Variants in SUN5 observed in about 807,000 individuals in gnomAD.
The protein encoded by SUN5 is SUN domain-containing protein 5.
SUN5 carries 44 observed loss-of-function variants against 53.7 expected under a neutral mutation model. The ratio of observed to expected loss-of-function variants is 0.82; its 90% CI spans 0.64 to 1.05. The LOEUF is 1.05. Among genes scored for constraint, SUN5 ranks in the 50% least tolerant of loss-of-function variants. The pLI is 0.00. For synonymous variants in SUN5, 166 were observed against 179.8 expected, an observed-to-expected ratio of 0.92 and a Z score of 0.62; for missense variants, 433 against 483.8, an observed-to-expected ratio of 0.90 and a Z score of 0.98.
chr20:32,990,862 G>A lies in SUN5; in HGVS notation c.535-1164C>T, dbSNP rs554039583. Among the ~76,000 whole-genome samples the A allele has an allele frequency of 8.5e-5, 13 of 152,324 alleles. No individual in the cohort carries two copies. The South Asian group carries it at 2.7e-3, about 32-fold the overall frequency. On this transcript the variant is annotated intron_variant, in intron 8 of 12. Transcript: ENST00000356173. Reference sequence around the variant, plus strand: ...AATTCCTAACCCACAGAATCTCTGAGCACAAGTGGTTGTTTCACACCCCTA... The same window carrying A: ...AATTCCTAACCCACAGAATCTCTGAACACAAGTGGTTGTTTCACACCCCTA...
chr20:32,997,592 G>A (rs375752749), intron 6 of SUN5, 46 bp downstream of exon 6: 2 of 1,606,220 alleles, frequency 1.2e-6, no homozygotes, highest in African/African-American at 2.7e-5. Flanking sequence ...TGACTGGTTA[G>A]GGTGAGACCT....
chr20:33,003,306 G>A (rs1990103841), intron 1 of SUN5, among the ~76,000 whole-genome samples: 1 of 152,158 alleles, frequency 6.6e-6, no homozygotes, highest in South Asian at 2.1e-4. Flanking sequence ...GGTAGGGTGA[G>A]GTAGGGGGGT....
chr20:33,001,266 C>T lies in SUN5; in HGVS notation c.224G>A (p.Cys75Tyr), dbSNP rs1224856994. The T allele has an allele frequency of 7.6e-6, 12 of 1,574,978 alleles. No homozygotes were observed. Among genetic ancestry groups the T allele is most frequent in the Non-Finnish European group, 1.0e-5 (12 of 1,157,762 alleles). Residue 75 changes from cysteine to tyrosine, a missense_variant, in exon 4 of 13, where the codon TGT becomes TAT. Physicochemically the swap from Cys to Tyr is radical, Grantham distance 194 (BLOSUM62 -2). Transcript: ENST00000356173. ...CTGAGTTCTCAGGGAGCAGGCAAAA[C>T]AGGTGAACCAGGCTGCACGGGAGAC... ...CMLGCVSWFTCFACSLRTQAQ... is the reference protein window; with the variant it reads ...CMLGCVSWFTYFACSLRTQAQ...
intron 4 of SUN5, among the ~76,000 whole-genome samples, chr20:33,000,461 A>C (rs1989971817): frequency 1.3e-5 from 2 of 152,198 alleles, no homozygotes; most frequent in South Asian, 4.1e-4. Flanking sequence ...TGAATGAATG[A>C]ATGAGGTGGA....
intron 12 of SUN5, among the ~76,000 whole-genome samples, chr20:32,984,609 G>T (rs1989483392): frequency 6.6e-6 from 1 of 152,196 alleles, no homozygotes; most frequent in Non-Finnish European, 1.5e-5. Context: ...GGGCCAGTAT[G>T]GGTTTGATTC....
chr20:33,000,030 C>G (rs775224522), intron 5 of SUN5, 44 bp downstream of exon 5: 2 of 1,591,962 alleles, frequency 1.3e-6, no homozygotes, highest in Non-Finnish European at 1.7e-6. Context: ...TGCCAGGGCC[C>G]AGGGATACCT....
chr20:32,994,451 C>G (rs147538502), intron 8 of SUN5, among the ~76,000 whole-genome samples: 10 of 152,042 alleles, frequency 6.6e-5, no homozygotes, highest in Non-Finnish European at 1.2e-4. Flanking sequence ...AGTTAGCAGA[C>G]AAGGATTTTT....
At position 32,998,175 on chromosome 20, in the gene SUN5, C is replaced by CAA. The variant is rs35729664; in HGVS notation, c.341-490_341-489dup. Among the ~76,000 whole-genome samples the CAA allele has an allele frequency of 7.5e-3, 446 of 59,616 alleles. 16 individuals are homozygous for CAA. Among genetic ancestry groups the CAA allele is most frequent in the African/African-American group, 0.019 (323 of 17,156 alleles). 39.1% of individuals were successfully genotyped at this position (59,616 alleles called of 152,430 possible). A position where few individuals can be genotyped will look rare whatever the true frequency, so the allele number is the denominator to read the frequency against. ...CCAATGTGGTGAAACCCCATCTCTA[C>CAA]AAAAAAAAAAAAAAAAAAAAAAAAT... On this transcript the variant is annotated intron_variant, in intron 5 of 12. Coordinates refer to ENST00000356173, the MANE Select transcript of SUN5 (RefSeq NM_080675.4).
Position 33,000,169 on chromosome 20 carries a change from G to T in SUN5, c.279-34C>A, listed in dbSNP as rs779529236. 15 of 1,580,664 alleles carry T rather than the reference G, an allele frequency of 9.5e-6. No individual in the cohort carries two copies. The Admixed American group carries it at 2.6e-4, about 28-fold the overall frequency. On this transcript the variant is annotated intron_variant, in intron 4 of 12. Coordinates refer to ENST00000356173, the MANE Select transcript of SUN5 (RefSeq NM_080675.4). ...CAGGGAGTGGTGGTCAAGATCAGGT[G>T]GGCAAGGCCCTGCCAAGTGTTCACC... is the stretch of plus-strand genomic sequence containing the variant.
chr20:32,995,741 A>C lies in SUN5; in HGVS notation c.426-14T>G, dbSNP rs1157234728. ...TCCTGGTACAACCTTATCAGGAAGG[A>C]GTGATAACAAGAACAGGTTGATTTG... is the stretch of plus-strand genomic sequence containing the variant. On this transcript the variant is annotated splice_polypyrimidine_tract_variant and intron_variant, in intron 7 of 12. Coordinates refer to ENST00000356173, the MANE Select transcript of SUN5 (RefSeq NM_080675.4). 1.6e-5 allele frequency: 25 copies of C among 1,608,180 alleles called. No homozygotes were observed. The highest frequency in any genetic ancestry group is 1.9e-5 in the Non-Finnish European group (22 of 1,174,808).
chr20:32,999,089 A>G (rs1287917341), intron 5 of SUN5, among the ~76,000 whole-genome samples: 2 of 152,118 alleles, frequency 1.3e-5, no homozygotes, highest in Admixed American at 6.5e-5. Flanking sequence ...AAAGAGTTAA[A>G]CTACCACTAT....
intron 4 of SUN5, 40 bp downstream of exon 4, chr20:33,001,172 C>T (rs1461280422): frequency 2.6e-6 from 4 of 1,553,464 alleles, no homozygotes; most frequent in Non-Finnish European, 3.5e-6. Context: ...GCTGCCATTT[C>T]CCACTCCCCA....
intron 8 of SUN5, among the ~76,000 whole-genome samples, chr20:32,995,400 A>G (rs540314188): frequency 6.6e-6 from 1 of 152,330 alleles, no homozygotes; most frequent in South Asian, 2.1e-4. Flanking sequence ...AGAATTCTGT[A>G]CCCAGCCAAA....
At chr20:33,001,882 G>C (rs1276452982) in intron 3 of SUN5, among the ~76,000 whole-genome samples, 1 of 152,084 alleles carries the variant, frequency 6.6e-6, no homozygotes, top group Non-Finnish European at 1.5e-5. Flanking sequence ...TCAAACTCCT[G>C]ACCTCGTGAT....
rs1990133249 is a variant in SUN5 at position 33,004,430 on chromosome 20, A to G, written c.-90T>C. The G allele has an allele frequency of 1.4e-6, 2 of 1,440,842 alleles. No individual in the cohort carries two copies. The highest frequency in any genetic ancestry group is 1.8e-4 in the Middle Eastern group (1 of 5,468). 89.3% of individuals were successfully genotyped at this position (1,440,842 alleles called of 1,614,324 possible). On this transcript the variant is annotated 5_prime_UTR_variant, in exon 1 of 13. Coordinates refer to ENST00000356173, the MANE Select transcript of SUN5 (RefSeq NM_080675.4). The stretch of plus-strand genomic sequence containing the variant: ...CTGATGCCTCTGAATGTCCCCTGAA[A>G]AGTGCCAAGTGGAATCTGCCAGGAT...
chr20:33,000,972 A>G (rs1256697406), intron 4 of SUN5, among the ~76,000 whole-genome samples: 1 of 152,156 alleles, frequency 6.6e-6, no homozygotes, highest in African/African-American at 2.4e-5. Flanking sequence ...CAGGAAGCCA[A>G]GTGAGAGCAG....
intron 8 of SUN5, among the ~76,000 whole-genome samples, chr20:32,993,479 G>C (rs1989759177): frequency 6.6e-6 from 1 of 152,234 alleles, no homozygotes; most frequent in Admixed American, 6.5e-5. Context: ...TGGTGACAAA[G>C]AGCTAAAGTA....
chr20:32,985,655 C>T, intron 11 of SUN5, 81 bp downstream of exon 11: 1 of 1,531,754 alleles, frequency 6.5e-7, no homozygotes, highest in Non-Finnish European at 8.9e-7. Context: ...TGTGCAGACA[C>T]TGTTTACCCC....
intron 8 of SUN5, among the ~76,000 whole-genome samples, chr20:32,990,016 C>G (rs1336306894): frequency 6.6e-6 from 1 of 152,112 alleles, no homozygotes; most frequent in African/African-American, 2.4e-5. Flanking sequence ...AACTTACTGC[C>G]CCTCTGAGTC....
Sources: gnomAD v4.1 joint callset for allele counts (sites outside exome capture counted in the v4.1 genomes callset) on GRCh38, gnomAD v4.1.1 for gene constraint, MANE v1.5 for transcripts, NCBI Gene and HGNC (gene_info 2026-07-23, HGNC 2026-07-21) for gene names.